ZPBP: variants seen among roughly 807,000 people sequenced by gnomAD.
ZPBP encodes the protein zona pellucida binding protein.
ZPBP carries 26 observed loss-of-function variants against 44.8 expected under a neutral mutation model. The ratio of observed to expected loss-of-function variants is 0.58; its 90% CI spans 0.43 to 0.81. ZPBP has a LOEUF of 0.81. ZPBP is among the 30% of genes least tolerant of loss of function. The pLI, the probability that ZPBP is intolerant of heterozygous loss-of-function variation, is 0.00. For missense variants in ZPBP, 409 were observed against 434.0 expected (o/e 0.94, Z 0.51); for synonymous variants, 174 against 153.2 (o/e 1.14, Z -1.00).
At chr7:49,848,306 G>A (rs1013871343), downstream of ZPBP, among the ~76,000 whole-genome samples, 12 of 152,208 alleles carry the variant, frequency 7.9e-5, no homozygotes, top group Non-Finnish European at 1.2e-4. Flanking sequence ...CCACGGCAGG[G>A]TCTTTCCAGG....
intron 7 of ZPBP, chr7:49,944,073 C>G (rs1483471056): frequency 4.3e-6 from 1 of 231,850 alleles, no homozygotes; most frequent in Non-Finnish European, 8.9e-6. Context: ...TGGATTCAAT[C>G]TTAGAGAAGA....
chr7:50,029,664 G>T (rs1287001403), intron 5 of ZPBP, among the ~76,000 whole-genome samples: 1 of 152,152 alleles, frequency 6.6e-6, no homozygotes, highest in Admixed American at 6.6e-5. Flanking sequence ...CAAAGGACTT[G>T]AATAAACATT....
chr7:49,905,567 G>C (rs1404374570), intron 1 of ZPBP, among the ~76,000 whole-genome samples: 3 of 152,160 alleles, frequency 2.0e-5, no homozygotes, highest in Non-Finnish European at 4.4e-5. Context: ...TTATTTGTGT[G>C]CATTGTACTT....
At chr7:49,920,916 T>C (rs1793990010) in intron 1 of ZPBP, 1 of 152,232 alleles carries the variant, frequency 6.6e-6, no homozygotes, top group Non-Finnish European at 1.5e-5. Flanking sequence ...TACTAAAATG[T>C]TGTACTTATT....
chr7:49,920,258 A>T (rs1793959965), intron 1 of ZPBP: 2 of 150,768 alleles, frequency 1.3e-5, no homozygotes, highest in African/African-American at 4.8e-5. Flanking sequence ...TCCTTTTCTT[A>T]AGGAAAAAAT....
intron 4 of ZPBP, among the ~76,000 whole-genome samples, chr7:50,045,369 T>C (rs1800297727): frequency 6.6e-6 from 1 of 152,194 alleles, no homozygotes; most frequent in South Asian, 2.1e-4. Context: ...TGTCTCTGTT[T>C]GCAGATGACA....
intron 2 of ZPBP, among the ~76,000 whole-genome samples, chr7:49,869,342 G>C (rs1791037873): frequency 6.6e-6 from 1 of 152,172 alleles, no homozygotes; most frequent in Non-Finnish European, 1.5e-5. Context: ...AAGTAATACT[G>C]AACAAGGTCT....
chr7:50,093,174 G>A lies in ZPBP; in HGVS notation c.21C>T (p.Gly7=). The A allele has an allele frequency of 1.3e-6, 2 of 1,536,494 alleles. No homozygotes were observed. Among genetic ancestry groups the A allele is most frequent in the Non-Finnish European group, 1.7e-6 (2 of 1,142,990 alleles). The part of the protein sequence containing the change: MEAFAL[G]PARRGRRRTR... ...TCCGCCGCCTGCCCCGCCGCGCTGG[G>A]CCAAGGGCGAAGGCCTCCATCCACA... The change falls in exon 1 of 8, where the codon GGC becomes GGT. Residue 7 remains glycine, a synonymous_variant. Transcript: ENST00000046087.
chr7:49,851,618 G>A (rs754107512), intron 2 of ZPBP, among the ~76,000 whole-genome samples: 3 of 152,212 alleles, frequency 2.0e-5, no homozygotes, highest in Non-Finnish European at 2.9e-5. Context: ...CCAGCACTTC[G>A]GGAGGCCGAG....
chr7:50,050,354 A>G (rs1409287650), intron 4 of ZPBP, among the ~76,000 whole-genome samples: 2 of 152,110 alleles, frequency 1.3e-5, no homozygotes, highest in East Asian at 3.8e-4. Flanking sequence ...TTTTCTATAT[A>G]CTTACAGTAA....
chr7:50,018,209 T>C (rs374613887), intron 6 of ZPBP, 31 bp downstream of exon 6: 37 of 1,580,698 alleles, frequency 2.3e-5, no homozygotes, highest in Non-Finnish European at 3.1e-5. Context: ...TTTAACTTTT[T>C]TTTTCCTTTT....
At chr7:49,858,127 T>C (rs930267529) in intron 2 of ZPBP, among the ~76,000 whole-genome samples, 3 of 152,206 alleles carry the variant, frequency 2.0e-5, no homozygotes, top group African/African-American at 7.2e-5. Context: ...TGTAAAAGTG[T>C]TCCTATTTCT....
At chr7:49,964,631 T>A (rs1283219261) in intron 7 of ZPBP, among the ~76,000 whole-genome samples, 1 of 152,100 alleles carries the variant, frequency 6.6e-6, no homozygotes, top group Admixed American at 6.6e-5. Context: ...TGAAGCACAT[T>A]CTTTCCAAAT....
intron 3 of ZPBP, among the ~76,000 whole-genome samples, chr7:50,072,353 G>A (rs1801882321): frequency 6.6e-6 from 1 of 152,222 alleles, no homozygotes; most frequent in African/African-American, 2.4e-5. Flanking sequence ...ACACCAGGCA[G>A]ACTTCTAAGG....
At chr7:49,861,256 G>A (rs1790640462) in intron 2 of ZPBP, among the ~76,000 whole-genome samples, 1 of 152,122 alleles carries the variant, frequency 6.6e-6, no homozygotes, top group South Asian at 2.1e-4. Flanking sequence ...TTTTCCTAAT[G>A]ATTAATGACA....
intron 6 of ZPBP, among the ~76,000 whole-genome samples, chr7:50,009,974 T>C (rs542639139): frequency 6.6e-6 from 1 of 152,054 alleles, no homozygotes; most frequent in South Asian, 2.1e-4. Context: ...AAAATACTGA[T>C]AGAGGAAATA....
At chr7:50,006,861 GTACAACCCATTT>G (rs1798334349) in intron 6 of ZPBP, among the ~76,000 whole-genome samples, 1 of 151,998 alleles carries the variant, frequency 6.6e-6, no homozygotes, top group African/African-American at 2.4e-5. Flanking sequence ...AAGTGAAGAA[GTACAACCCATTT>G]TACAGAAAGT....
chr7:50,023,816 T>C (rs891306588), intron 5 of ZPBP, among the ~76,000 whole-genome samples: 2 of 151,920 alleles, frequency 1.3e-5, no homozygotes, highest in African/African-American at 4.8e-5. Context: ...ACTCTAAGAA[T>C]CACAAGGAAA....
chr7:49,979,846 TA>T (rs1367042500), intron 7 of ZPBP, among the ~76,000 whole-genome samples: 9 of 64,086 alleles, frequency 1.4e-4, no homozygotes, highest in African/African-American at 5.1e-4. Flanking sequence ...TATATATATA[TA>T]AAATATATAT....
Sources: gnomAD v4.1 joint callset for allele counts (sites outside exome capture counted in the v4.1 genomes callset) on GRCh38, gnomAD v4.1.1 for gene constraint, MANE v1.5 for transcripts, NCBI Gene and HGNC (gene_info 2026-07-23, HGNC 2026-07-21) for gene names.